The following FOXO1 variants were observed in gnomAD, a reference collection of about 807,000 sequenced individuals.
FOXO1 encodes forkhead box protein O1.
In FOXO1, 6 loss-of-function variants were observed where a neutral mutation model predicts 44.1. The observed-to-expected ratio is 0.14, with a 90% CI of 0.07 to 0.27. FOXO1 has a LOEUF of 0.27. Among genes scored for constraint, FOXO1 ranks in the 10% least tolerant of loss-of-function variants. The pLI is 1.00. For synonymous variants in FOXO1, 380 were observed against 362.7 expected, an observed-to-expected ratio of 1.05 and a Z score of -0.54; for missense variants, 737 against 888.8, an observed-to-expected ratio of 0.83 and a Z score of 2.17.
chr13:40,581,391 C>T (rs1030382314), intron 1 of FOXO1, among the ~76,000 whole-genome samples: 2 of 152,180 alleles, frequency 1.3e-5, no homozygotes, highest in African/African-American at 4.8e-5. Context: ...GCTCCTTGAT[C>T]AGTCATCCTT....
intron 1 of FOXO1, among the ~76,000 whole-genome samples, chr13:40,627,959 A>T (rs1436931771): frequency 1.3e-5 from 2 of 151,974 alleles, no homozygotes; most frequent in Non-Finnish European, 2.9e-5. Flanking sequence ...CAGCAGCATC[A>T]CTCATAAAAG....
chr13:40,631,897 G>A (rs750776089), intron 1 of FOXO1, among the ~76,000 whole-genome samples: 3 of 152,150 alleles, frequency 2.0e-5, no homozygotes, highest in South Asian at 2.1e-4. Flanking sequence ...GGAACAGTAC[G>A]TTTTAAAACG....
chr13:40,562,104 C>G (rs761888869), intron 1 of FOXO1, among the ~76,000 whole-genome samples: 4 of 152,072 alleles, frequency 2.6e-5, no homozygotes, highest in Admixed American at 1.3e-4. Context: ...TTTGAGAAAG[C>G]TGACCTGCCA....
At chr13:40,597,040 C>T (rs527671585) in intron 1 of FOXO1, among the ~76,000 whole-genome samples, 1 of 152,364 alleles carries the variant, frequency 6.6e-6, no homozygotes, top group South Asian at 2.1e-4. Context: ...CCAGCAGCAA[C>T]TTATCTCCCC....
In FOXO1 at chr13:40,666,202, G is replaced by A. The variant is rs1878246313; in HGVS notation, c.11C>T (p.Ala4Val). 1 of 1,438,898 alleles carries A rather than the reference G, an allele frequency of 6.9e-7. No homozygotes were observed. 89.1% of individuals were successfully genotyped at this position (1,438,898 alleles called of 1,614,324 possible). Residue 4 changes from alanine (A) to valine (V), a missense_variant, in exon 1 of 3, where the codon GCG becomes GTG. Physicochemically the swap from Ala to Val is moderately conservative, Grantham distance 64. Coordinates refer to ENST00000379561, the MANE Select transcript of FOXO1 (RefSeq NM_002015.4). MAE[A>V]PQVVEIDPDF... ...CGGGTCGATCTCCACCACCTGAGGCGCCTCGGCCATGGTGACCCCCGCCCC... is the reference window on the plus strand; with the variant it reads ...CGGGTCGATCTCCACCACCTGAGGCACCTCGGCCATGGTGACCCCCGCCCC...
intron 1 of FOXO1, among the ~76,000 whole-genome samples, chr13:40,664,842 C>T (rs1003598801): frequency 7.2e-5 from 11 of 151,980 alleles, no homozygotes; most frequent in Admixed American, 5.9e-4. Context: ...CGCCCGCGCC[C>T]GCCCCCGCCG....
intron 1 of FOXO1, among the ~76,000 whole-genome samples, chr13:40,564,621 G>A (rs1874188396): frequency 6.6e-6 from 1 of 152,214 alleles, no homozygotes; most frequent in Admixed American, 6.5e-5. Flanking sequence ...TTCACCAGAA[G>A]GACTTCGCAG....
At position 40,598,135 on chromosome 13, in the gene FOXO1, G is replaced by C. The variant is rs576658537; in HGVS notation, c.631-37275C>G. Among the ~76,000 whole-genome samples, 41 of 152,286 alleles carry C rather than the reference G, an allele frequency of 2.7e-4. 1 individual carries two copies. The South Asian group carries it at 8.3e-3, about 31-fold the overall frequency. On this transcript the variant is annotated intron_variant, in intron 1 of 2. Coordinates refer to ENST00000379561, the MANE Select transcript of FOXO1 (RefSeq NM_002015.4). ...CTGTGATAGGCAAAACGGAACAAGC[G>C]AATGAAAGAGGCCCCAGTTCAGAGG...
chr13:40,566,157 G>A (rs950842769), intron 1 of FOXO1, among the ~76,000 whole-genome samples: 10 of 152,188 alleles, frequency 6.6e-5, no homozygotes, highest in African/African-American at 2.4e-4. Context: ...AGCAGCAGCA[G>A]GGGTTGGCAG....
At chr13:40,628,808 C>T (rs1802156736) in intron 1 of FOXO1, among the ~76,000 whole-genome samples, 1 of 152,216 alleles carries the variant, frequency 6.6e-6, no homozygotes, top group African/African-American at 2.4e-5. Context: ...CTCAACCTTC[C>T]TCTCCAGGTT....
intron 1 of FOXO1, among the ~76,000 whole-genome samples, chr13:40,573,305 T>TA (rs1258491905): frequency 6.6e-6 from 1 of 152,186 alleles, no homozygotes; most frequent in African/African-American, 2.4e-5. Context: ...ACTTTCAGCT[T>TA]AAATGCAGTC....
chr13:40,626,806 A>T (rs539645103), intron 1 of FOXO1, among the ~76,000 whole-genome samples: 5 of 152,156 alleles, frequency 3.3e-5, no homozygotes, highest in Admixed American at 1.3e-4. Context: ...AAAGCTAGAG[A>T]ACAAACATTC....
chr13:40,634,583 A>G (rs1877079708), intron 1 of FOXO1, among the ~76,000 whole-genome samples: 1 of 152,208 alleles, frequency 6.6e-6, no homozygotes, highest in Non-Finnish European at 1.5e-5. Context: ...CCAAGGCTGT[A>G]GTGAGCCATC....
chr13:40,666,089 G>C lies in FOXO1; in HGVS notation c.124C>G (p.Pro42Ala), dbSNP rs931846569. 2 of 1,383,300 alleles carry C rather than the reference G, an allele frequency of 1.4e-6. No individual in the cohort carries two copies. Among genetic ancestry groups the C allele is most frequent in the East Asian group, 3.1e-5 (1 of 32,428 alleles). 85.7% of individuals were successfully genotyped at this position (1,383,300 alleles called of 1,614,324 possible). A position where few individuals can be genotyped will look rare whatever the true frequency, so the allele number is the denominator to read the frequency against. The change falls in exon 1 of 3, where the codon CCG (proline) becomes GCG (alanine). Residue 42 changes from proline to alanine, a missense_variant. Pro to Ala is a conservative substitution (Grantham distance 27, BLOSUM62 -1). Coordinates refer to ENST00000379561, the MANE Select transcript of FOXO1 (RefSeq NM_002015.4). ...GCAGCCGCGCTGCCCGACGGCGCCGGGCTGGAGGTGGCCGAGTTGGACTGG... is the reference window on the plus strand; with the variant it reads ...GCAGCCGCGCTGCCCGACGGCGCCGCGCTGGAGGTGGCCGAGTTGGACTGG... ...FSQSNSATSS[P>A]APSGSAAANP... is the part of the protein sequence containing the mutation.
At chr13:40,630,574 G>A (rs1876928814) in intron 1 of FOXO1, among the ~76,000 whole-genome samples, 1 of 151,846 alleles carries the variant, frequency 6.6e-6, no homozygotes, top group South Asian at 2.1e-4. Context: ...ATAATTGCTT[G>A]AACCCAAGAG....
chr13:40,631,888 G>C (rs908163713), intron 1 of FOXO1, among the ~76,000 whole-genome samples: 1 of 152,198 alleles, frequency 6.6e-6, no homozygotes. Flanking sequence ...TAATGTCACG[G>C]AACAGTACGT....
intron 1 of FOXO1, among the ~76,000 whole-genome samples, chr13:40,656,849 G>A (rs1161190310): frequency 9.6e-6 from 1 of 104,188 alleles, no homozygotes; most frequent in Non-Finnish European, 2.0e-5. Context: ...TTTTTTTTTT[G>A]AGACCGAGTC....
chr13:40,613,377 C>T (rs1444355352), intron 1 of FOXO1, among the ~76,000 whole-genome samples: 5 of 151,830 alleles, frequency 3.3e-5, no homozygotes, highest in East Asian at 3.9e-4. Context: ...TCTGCTTCTC[C>T]GACACCCCTA....
intron 1 of FOXO1, among the ~76,000 whole-genome samples, chr13:40,637,969 C>G (rs1017344700): frequency 6.6e-6 from 1 of 152,144 alleles, no homozygotes; most frequent in Non-Finnish European, 1.5e-5. Context: ...CTGGAGGCAC[C>G]ACACTTAGGG....
Sources: gnomAD v4.1 joint callset for allele counts (sites outside exome capture counted in the v4.1 genomes callset) on GRCh38, gnomAD v4.1.1 for gene constraint, MANE v1.5 for transcripts, NCBI Gene and HGNC (gene_info 2026-07-23, HGNC 2026-07-21) for gene names.